Variants in TRAPPC1 observed in about 807,000 individuals in gnomAD.
TRAPPC1 encodes the protein trafficking protein particle complex subunit 1, also known as BET5 homolog.
In TRAPPC1, 10 loss-of-function variants were observed where a neutral mutation model predicts 17.2. The observed-to-expected ratio is 0.58, with a 90% CI of 0.36 to 0.99. The LOEUF is 0.99. TRAPPC1 is among the 50% of genes least tolerant of loss of function. The pLI, the probability that TRAPPC1 is intolerant of heterozygous loss-of-function variation, is 0.01. For missense variants in TRAPPC1, 163 were observed against 184.4 expected (o/e 0.88, Z 0.67); for synonymous variants, 85 against 74.5 (o/e 1.14, Z -0.72).
Position 7,931,751 on chromosome 17 carries a change from C to A in TRAPPC1, c.79G>T (p.Ala27Ser). Residue 27 changes from alanine (A) to serine (S), a missense_variant, in exon 1 of 4, where the codon GCA (alanine) becomes TCA (serine). By Grantham distance (99) the Ala-to-Ser change is moderately conservative (BLOSUM62 1). Coordinates refer to ENST00000303731, the MANE Select transcript of TRAPPC1 (RefSeq NM_021210.5). The part of the protein sequence containing the change: ...HYSEWHRKKQ[A>S]GIPKEEEYKL... ...GTCACCTCCTCCTTGGGAATCCCTG[C>A]TTGCTTCTTGCGGTGCCATTCGCTG... The A allele has an allele frequency of 6.2e-7, 1 of 1,614,182 alleles. No individual in the cohort carries two copies. Among genetic ancestry groups the A allele is most frequent in the Non-Finnish European group, 8.5e-7 (1 of 1,180,012 alleles).
At chr17:7,930,831 A>G (rs1972443764) in intron 3 of TRAPPC1, 97 bp from the exon 4 acceptor site, 3 of 1,538,126 alleles carry the variant, frequency 2.0e-6, no homozygotes, top group African/African-American at 1.4e-5. Flanking sequence ...TGCACAAGGA[A>G]TAAGGGCTGG....
Position 7,930,454 on chromosome 17 carries a change from T to C in TRAPPC1, c.*152A>G. On this transcript the variant is annotated 3_prime_UTR_variant, in exon 4 of 4. Transcript: ENST00000303731. The stretch of plus-strand genomic sequence containing the variant: ...TGGAGGGACTCTGTGGGCTTCACTC[T>C]GGTAGGAGGAGAGCATCAGGGCAGG... 1 of 894,892 alleles carries C rather than the reference T, an allele frequency of 1.1e-6. No individual in the cohort carries two copies. The highest frequency in any genetic ancestry group is 1.7e-6 in the Non-Finnish European group (1 of 588,258). The allele number at this position is 894,892 out of a possible 1,614,324, so 55.4% of individuals were successfully genotyped here.
chr17:7,930,749 G>A lies in TRAPPC1; in HGVS notation c.310-15C>T. 2 of 1,613,014 alleles carry A rather than the reference G, an allele frequency of 1.2e-6. No homozygotes were observed. The highest frequency in any genetic ancestry group is 8.5e-7 in the Non-Finnish European group (1 of 1,179,224). On this transcript the variant is annotated splice_polypyrimidine_tract_variant and intron_variant, in intron 3 of 3. Coordinates refer to ENST00000303731, the MANE Select transcript of TRAPPC1 (RefSeq NM_021210.5). ...TCCACATACAGCTATGGAAAGGGAA[G>A]ATGTTAGAGCCAGGCTTTGGATACT...
In TRAPPC1 at chr17:7,931,540, G is replaced by A. The variant is rs1972509198; in HGVS notation, c.136C>T (p.Arg46Cys). Residue 46 changes from arginine (R) to cysteine (C), a missense_variant, in exon 2 of 4, where the codon CGC becomes TGC. Coordinates refer to ENST00000303731, the MANE Select transcript of TRAPPC1 (RefSeq NM_021210.5). ...GGGGACATCTTGCTGACAAACGAGC[G>A]GATAGAGAAGAGCATCCCGTACATC... Reference protein sequence around the residue: ...KLMYGMLFSIRSFVSKMSPLD... With the variant: ...KLMYGMLFSICSFVSKMSPLD... 3 of 1,614,012 alleles carry A rather than the reference G, an allele frequency of 1.9e-6. No individual in the cohort carries two copies. Among genetic ancestry groups the A allele is most frequent in the Non-Finnish European group, 2.5e-6 (3 of 1,179,966 alleles).
chr17:7,931,343 C>G, intron 2 of TRAPPC1, 163 bp downstream of exon 2: 1 of 1,028,612 alleles, frequency 9.7e-7, no homozygotes, highest in Non-Finnish European at 1.4e-6. Context: ...CCCTCCCCAC[C>G]CCCACTCCTG....
Position 7,931,724 on chromosome 17 carries a change from T to C in TRAPPC1, c.99+7A>G. ...TCGCCCGGGCTGCACCGGGGCCCTC[T>C]CGTCACCTCCTCCTTGGGAATCCCT... On this transcript the variant is annotated splice_region_variant and intron_variant, in intron 1 of 3. Coordinates refer to ENST00000303731, the MANE Select transcript of TRAPPC1 (RefSeq NM_021210.5). 1.2e-6 allele frequency: 2 copies of C among 1,613,918 alleles called. No homozygotes were observed. Among genetic ancestry groups the C allele is most frequent in the Non-Finnish European group, 1.7e-6 (2 of 1,179,762 alleles).
Position 7,930,618 on chromosome 17 carries a change from G to C in TRAPPC1, c.426C>G (p.Ala142=). The C allele has an allele frequency of 6.2e-7, 1 of 1,614,120 alleles. No homozygotes were observed. Among genetic ancestry groups the C allele is most frequent in the Non-Finnish European group, 8.5e-7 (1 of 1,180,018 alleles). ...GAGGTAGGTTGCTTCAGCCAGCCCG[G>C]GCGGAGAAGAAGGGCAGAGAGCGAA... is the stretch of plus-strand genomic sequence containing the variant. The part of the protein sequence containing the change: ...SYVRSLPFFS[A]RAG Residue 142 remains alanine (A), a synonymous_variant, in exon 4 of 4, where the codon GCC becomes GCG. Transcript: ENST00000303731.
intron 3 of TRAPPC1, 121 bp from the exon 4 acceptor site, chr17:7,930,855 T>C (rs1322617974): frequency 1.3e-6 from 2 of 1,497,884 alleles, no homozygotes; most frequent in African/African-American, 2.8e-5. Context: ...GCAAGCCCTC[T>C]CTGAGGAGAA....
chr17:7,930,699 G>A lies in TRAPPC1; in HGVS notation c.345C>T (p.Cys115=), dbSNP rs371210413. 2.0e-4 allele frequency: 316 copies of A among 1,614,058 alleles called. No homozygotes were observed. Among genetic ancestry groups the A allele is most frequent in the Non-Finnish European group, 2.4e-4 (286 of 1,180,030 alleles). ...YVELVVKNPL[C]PLGQTVQSEL... ...CACTTTGCACAGTTTGGCCCAGCGGGCACAGGGGATTCTTCACCACCAGCT... is the reference window on the plus strand; with the variant it reads ...CACTTTGCACAGTTTGGCCCAGCGGACACAGGGGATTCTTCACCACCAGCT... The change falls in exon 4 of 4, where the codon TGC becomes TGT. Residue 115 remains cysteine, a synonymous_variant. Transcript: ENST00000303731.
intron 1 of TRAPPC1, 22 bp from the exon 2 acceptor site, chr17:7,931,598 T>C (rs1223329143): frequency 7.0e-7 from 1 of 1,424,684 alleles, no homozygotes; most frequent in African/African-American, 1.4e-5. Context: ...GGGGCAGAGT[T>C]AGCTCTCGGT....
chr17:7,931,286 C>T (rs887192016), intron 2 of TRAPPC1, 137 bp from the exon 3 acceptor site: 15 of 1,207,734 alleles, frequency 1.2e-5, no homozygotes, highest in Non-Finnish European at 1.1e-6. Flanking sequence ...AGACATCGCC[C>T]ATCGTCACCC....
rs761087592 is a variant in TRAPPC1, at chr17:7,930,569, C to G, written c.*37G>C. Reference sequence around the variant, plus strand: ...GGCACAGGTTCGGAAGGGCCCCAGGCAGACATGAATTCTCCTGAGACTTGA... The same window carrying G: ...GGCACAGGTTCGGAAGGGCCCCAGGGAGACATGAATTCTCCTGAGACTTGA... On this transcript the variant is annotated 3_prime_UTR_variant, in exon 4 of 4. Transcript: ENST00000303731. The G allele has an allele frequency of 1.2e-6, 2 of 1,613,266 alleles. No homozygotes were observed. Among genetic ancestry groups the G allele is most frequent in the East Asian group, 4.5e-5 (2 of 44,860 alleles).
At position 7,931,825 on chromosome 17, in the gene TRAPPC1, G is replaced by A; in HGVS notation, c.5C>T (p.Thr2Ile). 1 of 1,613,694 alleles carries A rather than the reference G, an allele frequency of 6.2e-7. No individual in the cohort carries two copies. Among genetic ancestry groups the A allele is most frequent in the Non-Finnish European group, 8.5e-7 (1 of 1,179,572 alleles). The part of the protein sequence containing the change: M[T>I]VHNLYLFDRN... ...GTCAAACAGGTACAGGTTGTGGACA[G>A]TCATCTGCAGGGCAGGGAGTGTGAG... Residue 2 changes from threonine to isoleucine, a missense_variant, in exon 1 of 4, where the codon ACT (threonine) becomes ATT (isoleucine). By Grantham distance (89) the Thr-to-Ile change is moderately conservative (BLOSUM62 -1). Coordinates refer to ENST00000303731, the MANE Select transcript of TRAPPC1 (RefSeq NM_021210.5).
Position 7,930,465 on chromosome 17 carries a change from G to C in TRAPPC1, c.*141C>G. ...TGTGGGCTTCACTCTGGTAGGAGGA[G>C]AGCATCAGGGCAGGCCTTTAGGCTG... On this transcript the variant is annotated 3_prime_UTR_variant, in exon 4 of 4. Coordinates refer to ENST00000303731, the MANE Select transcript of TRAPPC1 (RefSeq NM_021210.5). 9.9e-7 allele frequency: 1 copy of C among 1,012,158 alleles called. No homozygotes were observed. The highest frequency in any genetic ancestry group is 1.5e-5 in the South Asian group (1 of 68,192). The allele number at this position is 1,012,158 out of a possible 1,614,324, so 62.7% of individuals were successfully genotyped here.
In TRAPPC1 at chr17:7,931,553, C is replaced by A. The variant is rs778133750; in HGVS notation, c.123G>T (p.Met41Ile). Reference protein sequence around the residue: ...KEEEYKLMYGMLFSIRSFVSK... With the variant: ...KEEEYKLMYGILFSIRSFVSK... Reference sequence around the variant, plus strand: ...TGACAAACGAGCGGATAGAGAAGAGCATCCCGTACATCAGCTTATACTCCT... The same window carrying A: ...TGACAAACGAGCGGATAGAGAAGAGAATCCCGTACATCAGCTTATACTCCT... The change falls in exon 2 of 4, where the codon ATG becomes ATT. Residue 41 changes from methionine to isoleucine, a missense_variant. Physicochemically the swap from Met to Ile is conservative, Grantham distance 10. Coordinates refer to ENST00000303731, the MANE Select transcript of TRAPPC1 (RefSeq NM_021210.5). 1 of 1,613,876 alleles carries A rather than the reference C, an allele frequency of 6.2e-7. No homozygotes were observed. The highest frequency in any genetic ancestry group is 8.5e-7 in the Non-Finnish European group (1 of 1,179,950).
chr17:7,930,551 G>A lies in TRAPPC1; in HGVS notation c.*55C>T, dbSNP rs572259160. On this transcript the variant is annotated 3_prime_UTR_variant, in exon 4 of 4. Transcript: ENST00000303731. ...CAGTGGGGGCCCTTAGTTGGCACAG[G>A]TTCGGAAGGGCCCCAGGCAGACATG... 6.2e-7 allele frequency: 1 copy of A among 1,610,904 alleles called. No individual in the cohort carries two copies. Among genetic ancestry groups the A allele is most frequent in the Admixed American group, 1.7e-5 (1 of 59,968 alleles).
Position 7,931,908 on chromosome 17 carries a change from C to A in TRAPPC1, c.-79G>T. 1 of 1,274,344 alleles carries A rather than the reference C, an allele frequency of 7.8e-7. No homozygotes were observed. Among genetic ancestry groups the A allele is most frequent in the Non-Finnish European group, 1.1e-6 (1 of 871,642 alleles). The allele number at this position is 1,274,344 out of a possible 1,614,324, so 78.9% of individuals were successfully genotyped here. A position where few individuals can be genotyped will look rare whatever the true frequency, so the allele number is the denominator to read the frequency against. On this transcript the variant is annotated 5_prime_UTR_variant, in exon 1 of 4. Coordinates refer to ENST00000303731, the MANE Select transcript of TRAPPC1 (RefSeq NM_021210.5). Reference sequence around the variant, plus strand: ...TCGGGTTCCCGGACCCACAGCCTTCCAACCAGGTGGGGACCCCACCCACGG... The same window carrying A: ...TCGGGTTCCCGGACCCACAGCCTTCAAACCAGGTGGGGACCCCACCCACGG...
chr17:7,931,655 G>A, intron 1 of TRAPPC1, 76 bp downstream of exon 1: 1 of 1,549,946 alleles, frequency 6.5e-7, no homozygotes, highest in East Asian at 2.2e-5. Flanking sequence ...GGGGTTTGGA[G>A]AGGAGGGGCT....
chr17:7,931,377 G>T, intron 2 of TRAPPC1, 129 bp downstream of exon 2: 2 of 1,107,966 alleles, frequency 1.8e-6, no homozygotes, highest in Non-Finnish European at 1.3e-6. Context: ...TCTCGCTCCG[G>T]ACTCAGCCTC....
Sources: allele counts gnomAD v4.1 joint callset, GRCh38; gene constraint gnomAD v4.1.1; transcripts MANE v1.5; gene names NCBI Gene and HGNC (gene_info 2026-07-23, HGNC 2026-07-21).